ASS1: variants seen among roughly 807,000 people sequenced by gnomAD.
ASS1 encodes the protein argininosuccinate synthase 1, also known as argininosuccinate synthase.
In ASS1, 58 loss-of-function variants were observed where a neutral mutation model predicts 60.5. That is an observed-to-expected ratio of 0.96 (90% CI 0.78 to 1.19). The LOEUF (loss-of-function observed/expected upper bound fraction) is 1.19, where lower values mean the gene tolerates loss of function less well. Ranked by LOEUF, ASS1 falls within the 50% of genes most tolerant of loss-of-function variation. The pLI, the probability that ASS1 is intolerant of heterozygous loss-of-function variation, is 0.00. For missense variants in ASS1, 454 were observed against 547.3 expected, an observed-to-expected ratio of 0.83 and a Z score of 1.70; for synonymous variants, 200 against 206.9, an observed-to-expected ratio of 0.97 and a Z score of 0.29.
At position 130,494,033 on chromosome 9, in the gene ASS1, A is replaced by C. The variant is rs73544075; in HGVS notation, c.971-834A>C. Among the ~76,000 whole-genome samples the C allele has an allele frequency of 0.035, 5,255 of 152,252 alleles. 316 individuals are homozygous for C. Among genetic ancestry groups the C allele is most frequent in the African/African-American group, 0.12 (5,021 of 41,522 alleles). On this transcript the variant is annotated intron_variant, in intron 12 of 14. Transcript: ENST00000352480. This position sits in a 1 kb window ranked among gnomAD's most constrained non-coding sequence, Gnocchi z 4.3. ...AGGCTCCCCACTTCCGGCCTGTGTG[A>C]TCCTGGAGAAGTTTCTTAACTTCTC...
At chr9:130,455,189 C>T (rs1466794185) in intron 3 of ASS1, among the ~76,000 whole-genome samples, 2 of 151,718 alleles carry the variant, frequency 1.3e-5, no homozygotes, top group Non-Finnish European at 2.9e-5. Flanking sequence ...TCCATTCATC[C>T]ATCCATCATC....
In ASS1 at chr9:130,454,848, C is replaced by CCATTCATCCATT. The variant is rs1488477039; in HGVS notation, c.174+479_174+490dup. 6.0e-5 allele frequency among the ~76,000 whole-genome samples: 9 copies of CCATTCATCCATT among 150,310 alleles called. No homozygotes were observed. The East Asian group carries it at 1.8e-3, about 30-fold the overall frequency. ...ATTCACCCATCATCCATCCATCCATCCATTCATCCATTCATCCATCATCCA... is the reference window on the plus strand; with the variant it reads ...ATTCACCCATCATCCATCCATCCATCCATTCATCCATTCATTCATCCATTCATCCATCATCCA... On this transcript the variant is annotated intron_variant, in intron 3 of 14. Transcript: ENST00000352480.
intron 1 of ASS1, among the ~76,000 whole-genome samples, chr9:130,448,422 G>GCGCGCACACACACA (rs71387350): frequency 5.9e-4 from 84 of 143,380 alleles, no homozygotes; most frequent in African/African-American, 2.1e-3. Flanking sequence ...GTGTGCGCGC[G>GCGCGCACACACACA]CACACACACA....
chr9:130,473,372 G>A (rs1845920695), intron 8 of ASS1, among the ~76,000 whole-genome samples: 1 of 152,136 alleles, frequency 6.6e-6, no homozygotes, highest in Non-Finnish European at 1.5e-5. Flanking sequence ...GGGAGGAAGG[G>A]TCCAAGGTCC....
chr9:130,449,354 A>T (rs1332079849), intron 1 of ASS1, among the ~76,000 whole-genome samples: 1 of 151,190 alleles, frequency 6.6e-6, no homozygotes, highest in South Asian at 2.1e-4. Context: ...AAAAAAAAAA[A>T]AAAAAAAAAG....
At chr9:130,497,654 G>A (rs1846637670) in intron 13 of ASS1, among the ~76,000 whole-genome samples, 2 of 152,220 alleles carry the variant, frequency 1.3e-5, no homozygotes, top group African/African-American at 2.4e-5. Context: ...CTCTTTGCAG[G>A]GGCTGCCAGG....
chr9:130,465,245 T>C (rs1473619137), intron 5 of ASS1, among the ~76,000 whole-genome samples: 1 of 151,778 alleles, frequency 6.6e-6, no homozygotes, highest in Non-Finnish European at 1.5e-5. Flanking sequence ...GGTCTTGAAC[T>C]CCTGACCTCG....
At chr9:130,495,980 G>A (rs1298334004) in intron 13 of ASS1, among the ~76,000 whole-genome samples, 1 of 152,112 alleles carries the variant, frequency 6.6e-6, no homozygotes, top group Non-Finnish European at 1.5e-5. Context: ...GAGATAGCTG[G>A]GAAAAACTAA....
chr9:130,498,777 A>G (rs1480987886), intron 13 of ASS1, among the ~76,000 whole-genome samples: 1 of 152,216 alleles, frequency 6.6e-6, no homozygotes, highest in Non-Finnish European at 1.5e-5. Flanking sequence ...AACCCCAGTC[A>G]GCTGGCTGGA....
Position 130,459,850 on chromosome 9 carries a change from T to C in ASS1, c.363+1261T>C, listed in dbSNP as rs902470424. Among the ~76,000 whole-genome samples, 1 of 152,172 alleles carries C rather than the reference T, an allele frequency of 6.6e-6. No homozygotes were observed. Among genetic ancestry groups the C allele is most frequent in the African/African-American group, 2.4e-5 (1 of 41,442 alleles). The stretch of plus-strand genomic sequence containing the variant: ...ATCAACCCATCCCGTACCCCTTCCC[T>C]CCGGGCCGTGTGTCCCAGTGCAGAC... On this transcript the variant is annotated intron_variant, in intron 4 of 14. Transcript: ENST00000352480. This position sits in a 1 kb window ranked among gnomAD's most constrained non-coding sequence, Gnocchi z 4.6.
In ASS1 at chr9:130,459,428, TTG is replaced by T. The variant is rs202180746; in HGVS notation, c.363+852_363+853del. ...GACCTCATCTTAACTTGGTTACTTTTTGTGTGTGTGTGTGGGGGAGAGGGACA... is the reference window on the plus strand; with the variant it reads ...GACCTCATCTTAACTTGGTTACTTTTTGTGTGTGTGTGGGGGAGAGGGACA... On this transcript the variant is annotated intron_variant, in intron 4 of 14. Transcript: ENST00000352480. This position sits in a 1 kb window ranked among gnomAD's most constrained non-coding sequence, Gnocchi z 4.6. 9.9e-5 allele frequency among the ~76,000 whole-genome samples: 15 copies of T among 151,798 alleles called. No homozygotes were observed. In the South Asian group the frequency reaches 1.5e-3, roughly 15 times the overall value.
rs1846439008 is a variant in ASS1 at position 130,491,156 on chromosome 9, A to C, written c.970+1692A>C. On this transcript the variant is annotated intron_variant, in intron 12 of 14. Coordinates refer to ENST00000352480, the MANE Select transcript of ASS1 (RefSeq NM_054012.4). This position sits in a 1 kb window ranked among gnomAD's most constrained non-coding sequence, Gnocchi z 5.3. The stretch of plus-strand genomic sequence containing the variant: ...ATTTCTCCCTGCCATTGTTCCTTGC[A>C]GCTTTGAAGCCAAGTTTCTGCCCCC... Among the ~76,000 whole-genome samples the C allele has an allele frequency of 6.6e-6, 1 of 152,176 alleles. No individual in the cohort carries two copies. Among genetic ancestry groups the C allele is most frequent in the African/African-American group, 2.4e-5 (1 of 41,432 alleles).
chr9:130,467,217 C>T (rs1845764329), intron 6 of ASS1, among the ~76,000 whole-genome samples: 1 of 152,178 alleles, frequency 6.6e-6, no homozygotes, highest in Admixed American at 6.5e-5. Context: ...CTCCCAATTC[C>T]CTGGATACTA....
Position 130,477,764 on chromosome 9 carries a change from T to A in ASS1, c.688+803T>A, listed in dbSNP as rs1307115231. On this transcript the variant is annotated intron_variant, in intron 9 of 14. Transcript: ENST00000352480. This position sits in a 1 kb window ranked among gnomAD's most constrained non-coding sequence, Gnocchi z 4.2. ...CAGGGAGGCTTCCTGGAGGAGGTGG[T>A]GCTGGGCACAGGGGCACCCAAGGAC... Among the ~76,000 whole-genome samples the A allele has an allele frequency of 6.6e-6, 1 of 152,090 alleles. No homozygotes were observed.
chr9:130,475,115 A>G (rs923220320), intron 8 of ASS1, among the ~76,000 whole-genome samples: 4 of 152,212 alleles, frequency 2.6e-5, no homozygotes, highest in African/African-American at 9.7e-5. Context: ...TTTCAGTGCT[A>G]AAACCAGGAG....
Position 130,477,998 on chromosome 9 carries a change from T to C in ASS1, c.688+1037T>C, listed in dbSNP as rs897597936. ...CCCTCTCCCCCTTGCTGGTGTGACC[T>C]TGACAGCCAGCTTCACCATGCTGGG... On this transcript the variant is annotated intron_variant, in intron 9 of 14. Transcript: ENST00000352480. The surrounding 1 kb of genome is among the most constrained non-coding windows in gnomAD (Gnocchi z 4.2). 1.3e-5 allele frequency among the ~76,000 whole-genome samples: 2 copies of C among 152,162 alleles called. No individual in the cohort carries two copies. The highest frequency in any genetic ancestry group is 2.9e-5 in the Non-Finnish European group (2 of 68,032).
rs911853638 is a variant in ASS1 at position 130,499,584 on chromosome 9, G to C, written c.1193+14G>C. On this transcript the variant is annotated intron_variant, in intron 14 of 14. Transcript: ENST00000352480. Reference sequence around the variant, plus strand: ...CAATTCCCTCAGGTGAGAAGCTCAGGGCCCTGACGGGCCTTCAGAGCCTCC... The same window carrying C: ...CAATTCCCTCAGGTGAGAAGCTCAGCGCCCTGACGGGCCTTCAGAGCCTCC... The C allele has an allele frequency of 6.2e-7, 1 of 1,610,318 alleles. No individual in the cohort carries two copies. Among genetic ancestry groups the C allele is most frequent in the Non-Finnish European group, 8.5e-7 (1 of 1,177,994 alleles).
rs1554725214 is a variant in ASS1, at chr9:130,495,500, C to CAT, written c.1127+487_1127+488dup. 1.7e-4 allele frequency among the ~76,000 whole-genome samples: 25 copies of CAT among 148,370 alleles called. 1 individual carries two copies. The highest frequency in any genetic ancestry group is 4.4e-4 in the African/African-American group (17 of 38,812). On this transcript the variant is annotated intron_variant, in intron 13 of 14. Transcript: ENST00000352480. ...ACACACACACACACACACACACACA[C>CAT]ATATATATATAAAATAATTGGGGTT... is the stretch of plus-strand genomic sequence containing the variant.
At chr9:130,479,494 C>T (rs971279128) in intron 9 of ASS1, among the ~76,000 whole-genome samples, 1 of 152,108 alleles carries the variant, frequency 6.6e-6, no homozygotes, top group East Asian at 1.9e-4. Flanking sequence ...TGGGGGAGAG[C>T]GTTTTTATTG....
Sources: gnomAD v4.1 joint callset for allele counts (sites outside exome capture counted in the v4.1 genomes callset) on GRCh38, gnomAD v4.1.1 for gene constraint, Gnocchi (gnomAD v3.1) non-coding constraint, MANE v1.5 for transcripts, NCBI Gene and HGNC (gene_info 2026-07-23, HGNC 2026-07-21) for gene names.